The following FGFR2 variants were observed in gnomAD, a reference collection of about 807,000 sequenced individuals.
FGFR2 encodes the protein fibroblast growth factor receptor 2.
Under a neutral mutation model 95.9 loss-of-function variants are expected in FGFR2, and 19 were observed. That is an observed-to-expected ratio of 0.20 (90% CI 0.14 to 0.29). The LOEUF (loss-of-function observed/expected upper bound fraction) is 0.29, where lower values mean the gene tolerates loss of function less well. FGFR2 is among the 10% of genes least tolerant of loss of function. The pLI is 1.00. For missense variants in FGFR2, 707 were observed against 1,056.9 expected, an observed-to-expected ratio of 0.67 and a Z score of 4.59; for synonymous variants, 392 against 393.3, an observed-to-expected ratio of 1.00 and a Z score of 0.04.
rs2134058262 is a variant in FGFR2, at chr10:121,503,853, A to T, written c.1376T>A (p.Met459Lys). 1.2e-6 allele frequency: 2 copies of T among 1,614,136 alleles called. No homozygotes were observed. Among genetic ancestry groups the T allele is most frequent in the South Asian group, 2.2e-5 (2 of 91,076 alleles). The change falls in exon 10 of 18, where the codon ATG becomes AAG. Residue 459 changes from methionine to lysine, a missense_variant. Met to Lys is a moderately conservative substitution (Grantham distance 95). Around this residue, in one of 7 missense-constraint regions of FGFR2, gnomAD observed 194 missense variants for 267.3 expected, o/e 0.73. Transcript: ENST00000358487. The part of the protein sequence containing the change: ...TRLSSTADTP[M>K]LAGVSEYELP... The stretch of plus-strand genomic sequence containing the variant: ...TTCATACTCGGAGACCCCTGCCAGC[A>T]TGGGGGTGTCTGCCGTTGAAGAGAG...
intron 2 of FGFR2, among the ~76,000 whole-genome samples, chr10:121,590,611 A>C (rs1386441066): frequency 6.6e-6 from 1 of 152,170 alleles, no homozygotes; most frequent in East Asian, 1.9e-4. Flanking sequence ...GCCCAACCCC[A>C]CTGCTACTAT....
intron 2 of FGFR2, among the ~76,000 whole-genome samples, chr10:121,576,443 C>A (rs1437351105): frequency 6.6e-6 from 1 of 152,188 alleles, no homozygotes; most frequent in Non-Finnish European, 1.5e-5. Flanking sequence ...TCCAGCCCTT[C>A]AGGGCTTCTT....
At chr10:121,590,987 G>T (rs766331960) in intron 2 of FGFR2, among the ~76,000 whole-genome samples, 1 of 148,184 alleles carries the variant, frequency 6.7e-6, no homozygotes, top group Non-Finnish European at 1.5e-5. Flanking sequence ...ACGCGCACTC[G>T]CGCACACACA....
intron 13 of FGFR2, among the ~76,000 whole-genome samples, chr10:121,495,166 C>T (rs933143458): frequency 1.3e-4 from 20 of 152,252 alleles, no homozygotes; most frequent in Admixed American, 5.2e-4. Context: ...CGCACACACA[C>T]GCACGTGTAC....
At chr10:121,527,761 A>C (rs1232836847) in intron 6 of FGFR2, 1 of 152,186 alleles carries the variant, frequency 6.6e-6, no homozygotes, top group Non-Finnish European at 1.5e-5. Flanking sequence ...ACTAGGCAGG[A>C]GGTCCCTCCC....
At chr10:121,586,027 T>C (rs142335481) in intron 2 of FGFR2, among the ~76,000 whole-genome samples, 92 of 152,296 alleles carry the variant, frequency 6.0e-4, no homozygotes, top group Admixed American at 1.4e-3. Flanking sequence ...CATTTTATAG[T>C]ACACCCCCCT....
intron 13 of FGFR2, among the ~76,000 whole-genome samples, chr10:121,489,999 T>C (rs994777004): frequency 1.3e-5 from 2 of 152,206 alleles, no homozygotes; most frequent in Non-Finnish European, 2.9e-5. Flanking sequence ...ACGTTCTCAG[T>C]CCAGTTTCTC....
At chr10:121,551,728 A>T (rs1855444731) in intron 4 of FGFR2, among the ~76,000 whole-genome samples, 1 of 152,182 alleles carries the variant, frequency 6.6e-6, no homozygotes, top group Admixed American at 6.5e-5. Flanking sequence ...TCTTGATGCC[A>T]GAAAATAATT....
intron 13 of FGFR2, among the ~76,000 whole-genome samples, chr10:121,495,020 T>C (rs984444510): frequency 1.3e-5 from 2 of 152,166 alleles, no homozygotes; most frequent in African/African-American, 4.8e-5. Context: ...CCCTTTTATC[T>C]GGAACCGTCT....
In FGFR2 at chr10:121,518,493, C is replaced by T. The variant is rs539359703; in HGVS notation, c.940-1030G>A. Among the ~76,000 whole-genome samples the T allele has an allele frequency of 6.6e-6, 1 of 152,206 alleles. No individual in the cohort carries two copies. The highest frequency in any genetic ancestry group is 2.1e-4 in the South Asian group (1 of 4,818). ...AAGAAATTGGAGCAAGCACTTTGAACGTTGTGGGCATTTTTCCATGGCTAC... is the reference window on the plus strand; with the variant it reads ...AAGAAATTGGAGCAAGCACTTTGAATGTTGTGGGCATTTTTCCATGGCTAC... On this transcript the variant is annotated intron_variant, in intron 7 of 17. Transcript: ENST00000358487. The surrounding 1 kb of genome is among the most constrained non-coding windows in gnomAD (Gnocchi z 4.0).
chr10:121,571,354 A>C (rs760412028), intron 2 of FGFR2, among the ~76,000 whole-genome samples: 1 of 119,506 alleles, frequency 8.4e-6, no homozygotes, highest in Non-Finnish European at 1.6e-5. Context: ...GCTGGAGTGC[A>C]GTGGTGCGAT....
chr10:121,593,875 C>G lies in FGFR2; in HGVS notation c.-58G>C. 2.0e-6 allele frequency: 3 copies of G among 1,495,132 alleles called. No individual in the cohort carries two copies. In the South Asian group the frequency reaches 3.4e-5, roughly 17 times the overall value. 92.6% of individuals were successfully genotyped at this position (1,495,132 alleles called of 1,614,324 possible). A position where few individuals can be genotyped will look rare whatever the true frequency, so the allele number is the denominator to read the frequency against. The stretch of plus-strand genomic sequence containing the variant: ...ATCTCCATGTGGACGTTAATCCCAT[C>G]TGCACACTTCCTCTACGGGCATGGA... On this transcript the variant is annotated 5_prime_UTR_variant, in exon 2 of 18. Transcript: ENST00000358487.
Position 121,551,286 on chromosome 10 carries a change from C to G in FGFR2, c.624+4G>C, listed in dbSNP as rs772434464. 1 of 1,614,046 alleles carries G rather than the reference C, an allele frequency of 6.2e-7. No individual in the cohort carries two copies. Among genetic ancestry groups the G allele is most frequent in the Admixed American group, 1.7e-5 (1 of 60,016 alleles). On this transcript the variant is annotated splice_donor_region_variant and intron_variant, in intron 5 of 17. Transcript: ENST00000358487. ...AATGTGATGTTCTGAAAGCTTAATT[C>G]TACCTTGTAGCCTCCAATGCGATGC...
At chr10:121,507,311 G>T (rs528167328) in intron 9 of FGFR2, among the ~76,000 whole-genome samples, 48 of 152,358 alleles carry the variant, frequency 3.2e-4, no homozygotes, top group African/African-American at 9.9e-4. Flanking sequence ...ACAGGGGCCA[G>T]GCAGAGTGGC....
chr10:121,569,548 C>G (rs1261814944), intron 2 of FGFR2, among the ~76,000 whole-genome samples: 1 of 152,146 alleles, frequency 6.6e-6, no homozygotes. Flanking sequence ...TCTCCAGATA[C>G]AAAGTGATTT....
At chr10:121,586,063 A>C (rs1861781644) in intron 2 of FGFR2, among the ~76,000 whole-genome samples, 1 of 152,240 alleles carries the variant, frequency 6.6e-6, no homozygotes, top group African/African-American at 2.4e-5. Context: ...CCATAGATAC[A>C]CACAGTTGGC....
intron 10 of FGFR2, among the ~76,000 whole-genome samples, chr10:121,502,659 T>C (rs577501107): frequency 6.6e-6 from 1 of 152,274 alleles, no homozygotes; most frequent in Non-Finnish European, 1.5e-5. Context: ...ATGAGAAGTG[T>C]ATATAATCTG....
intron 13 of FGFR2, among the ~76,000 whole-genome samples, chr10:121,495,308 T>G (rs1178257349): frequency 6.6e-6 from 1 of 152,040 alleles, no homozygotes; most frequent in East Asian, 1.9e-4. Flanking sequence ...GTTTTTAAAG[T>G]TTTTCTTAAA....
chr10:121,499,403 C>A (rs914588205), intron 11 of FGFR2, among the ~76,000 whole-genome samples: 1 of 151,916 alleles, frequency 6.6e-6, no homozygotes, highest in African/African-American at 2.4e-5. Flanking sequence ...TTTAGCTTCA[C>A]AAAAGGAAGA....
Sources: allele counts gnomAD v4.1 joint callset (sites outside exome capture counted in the v4.1 genomes callset), GRCh38; gene constraint gnomAD v4.1.1; regional missense constraint gnomAD v4.1.1; non-coding constraint Gnocchi (gnomAD v3.1); transcripts MANE v1.5; gene names NCBI Gene and HGNC (gene_info 2026-07-23, HGNC 2026-07-21).